GALNT15: variants seen among roughly 807,000 people sequenced by gnomAD.
GALNT15 encodes polypeptide N-acetylgalactosaminyltransferase 15.
GALNT15 carries 67 observed loss-of-function variants against 66.8 expected under a neutral mutation model. That is an observed-to-expected ratio of 1.00 (90% CI 0.82 to 1.23). The LOEUF (loss-of-function observed/expected upper bound fraction) is 1.23, where lower values mean the gene tolerates loss of function less well. Among genes scored for constraint, GALNT15 ranks in the 50% most tolerant of loss-of-function variants. The pLI is 0.00. For synonymous variants in GALNT15, 313 were observed against 311.5 expected, an observed-to-expected ratio of 1.00 and a Z score of -0.05; for missense variants, 827 against 804.3, an observed-to-expected ratio of 1.03 and a Z score of -0.34.
In GALNT15 at chr3:16,228,414, G is replaced by A; in HGVS notation, c.*914G>A. 1.2e-5 allele frequency: 10 copies of A among 854,560 alleles called. No individual in the cohort carries two copies. The highest frequency in any genetic ancestry group is 1.4e-5 in the Non-Finnish European group (10 of 710,436). 52.9% of individuals were successfully genotyped at this position (854,560 alleles called of 1,614,324 possible). A position where few individuals can be genotyped will look rare whatever the true frequency, so the allele number is the denominator to read the frequency against. On this transcript the variant is annotated 3_prime_UTR_variant, in exon 10 of 10. Transcript: ENST00000339732. ...CCAGCACTTTGGGAGGCAGAGTTGG[G>A]AGGATCACCTGATGTCAGGGGTTTG...
In GALNT15 at chr3:16,203,543, TCACACACACACACACA is replaced by T. The variant is rs1164976010; in HGVS notation, c.911+2751_911+2766del. On this transcript the variant is annotated intron_variant, in intron 3 of 9. Transcript: ENST00000339732. The surrounding 1 kb of genome is among the most constrained non-coding windows in gnomAD (Gnocchi z 6.2). ...CATTCTCTCTCTCTCTCTCTCTCTC[TCACACACACACACACA>T]CACACACACACACACACACACACAC... 3.3e-4 allele frequency among the ~76,000 whole-genome samples: 20 copies of T among 61,106 alleles called. No individual in the cohort carries two copies. The highest frequency in any genetic ancestry group is 1.1e-3 in the African/African-American group (20 of 18,252). The allele number at this position is 61,106 out of a possible 152,430, so 40.1% of individuals were successfully genotyped here.
rs2063474557 is a variant in GALNT15, at chr3:16,181,800, G to A, written c.539+6110G>A. On this transcript the variant is annotated intron_variant, in intron 1 of 9. Transcript: ENST00000339732. This position sits in a 1 kb window ranked among gnomAD's most constrained non-coding sequence, Gnocchi z 5.9. ...CAAGAGAGGGAAGACAACCCAGTATGGGCAGTGTGAGTGGTGCTTATGGGG... is the reference window on the plus strand; with the variant it reads ...CAAGAGAGGGAAGACAACCCAGTATAGGCAGTGTGAGTGGTGCTTATGGGG... 6.6e-6 allele frequency among the ~76,000 whole-genome samples: 1 copy of A among 152,170 alleles called. No homozygotes were observed. Among genetic ancestry groups the A allele is most frequent in the Admixed American group, 6.5e-5 (1 of 15,276 alleles).
At position 16,200,771 on chromosome 3, in the gene GALNT15, G is replaced by A. The variant is rs1461056393; in HGVS notation, c.859G>A (p.Glu287Lys). ...GCTCGTCTTCATGGATGCCCACTGC[G>A]AGTGCCACCCAGGCTGGCTGGAGCC... The part of the protein sequence containing the change: ...DVLVFMDAHC[E>K]CHPGWLEPLL... The change falls in exon 3 of 10, where the codon GAG (glutamate) becomes AAG (lysine). Residue 287 changes from glutamate (E) to lysine (K), a missense_variant. Coordinates refer to ENST00000339732, the MANE Select transcript of GALNT15 (RefSeq NM_054110.5). This position sits in a 1 kb window ranked among gnomAD's most constrained non-coding sequence, Gnocchi z 4.4. 17 of 1,611,856 alleles carry A rather than the reference G, an allele frequency of 1.1e-5. No individual in the cohort carries two copies. Among genetic ancestry groups the A allele is most frequent in the African/African-American group, 4.0e-5 (3 of 74,816 alleles).
chr3:16,178,680 C>T (rs1272166534), intron 1 of GALNT15, among the ~76,000 whole-genome samples: 1 of 152,174 alleles, frequency 6.6e-6, no homozygotes. Flanking sequence ...CTCCACCCTC[C>T]CCCCAGGGTG....
At chr3:16,226,296 T>C (rs1023477229) in intron 9 of GALNT15, among the ~76,000 whole-genome samples, 5 of 152,112 alleles carry the variant, frequency 3.3e-5, no homozygotes, top group African/African-American at 9.7e-5. Flanking sequence ...GTGAATATAC[T>C]AAAAACCACC....
chr3:16,208,540 T>G lies in GALNT15; in HGVS notation c.949T>G (p.Trp317Gly), dbSNP rs1354174839. 15 of 1,614,074 alleles carry G rather than the reference T, an allele frequency of 9.3e-6. No individual in the cohort carries two copies. Among genetic ancestry groups the G allele is most frequent in the Non-Finnish European group, 1.1e-5 (13 of 1,180,036 alleles). The change falls in exon 4 of 10, where the codon TGG becomes GGG. Residue 317 changes from tryptophan (W) to glycine (G), a missense_variant. By Grantham distance (184) the Trp-to-Gly change is radical. Coordinates refer to ENST00000339732, the MANE Select transcript of GALNT15 (RefSeq NM_054110.5). Reference protein sequence around the residue: ...VVSPVIDVIDWKTFQYYPSKD... With the variant: ...VVSPVIDVIDGKTFQYYPSKD... ...ATCTCCGGTGATAGATGTGATTGAC[T>G]GGAAGACTTTCCAGTATTACCCCTC...
rs7616311 is a variant in GALNT15, at chr3:16,200,987, A to T, written c.911+164A>T. On this transcript the variant is annotated intron_variant, in intron 3 of 9. Coordinates refer to ENST00000339732, the MANE Select transcript of GALNT15 (RefSeq NM_054110.5). This position sits in a 1 kb window ranked among gnomAD's most constrained non-coding sequence, Gnocchi z 4.4. ...ATGTGTAAGTTTTTTAAGACTATAG[A>T]GTTAGAGTTGGAAAGGAGGTTAGAG... Among the ~76,000 whole-genome samples, 2 of 152,050 alleles carry T rather than the reference A, an allele frequency of 1.3e-5. No homozygotes were observed. The highest frequency in any genetic ancestry group is 4.8e-5 in the African/African-American group (2 of 41,346).
rs903656547 is a variant in GALNT15 at position 16,191,182 on chromosome 3, G to C, written c.540-4578G>C. ...TGTTCATAAAACCCCAAAATTCCTG[G>C]AGCAAGGGGAGTCTATGAAATTCTC... On this transcript the variant is annotated intron_variant, in intron 1 of 9. Coordinates refer to ENST00000339732, the MANE Select transcript of GALNT15 (RefSeq NM_054110.5). The surrounding 1 kb of genome is among the most constrained non-coding windows in gnomAD (Gnocchi z 5.2). 6.6e-6 allele frequency among the ~76,000 whole-genome samples: 1 copy of C among 152,120 alleles called. No individual in the cohort carries two copies. The highest frequency in any genetic ancestry group is 1.5e-5 in the Non-Finnish European group (1 of 68,024).
At chr3:16,233,092 A>ATGTTTTTTTTTTTTTTTTT (rs771943641), downstream of GALNT15, among the ~76,000 whole-genome samples, 4 of 48,074 alleles carry the variant, frequency 8.3e-5, no homozygotes, top group Non-Finnish European at 1.3e-4. Context: ...AGGATAATGC[A>ATGTTTTTTTTTTTTTTTTT]TCTTTTTTTT....
chr3:16,188,422 G>A lies in GALNT15; in HGVS notation c.540-7338G>A, dbSNP rs1331674114. Among the ~76,000 whole-genome samples the A allele has an allele frequency of 6.6e-6, 1 of 152,180 alleles. No homozygotes were observed. The highest frequency in any genetic ancestry group is 2.4e-5 in the African/African-American group (1 of 41,438). On this transcript the variant is annotated intron_variant, in intron 1 of 9. Coordinates refer to ENST00000339732, the MANE Select transcript of GALNT15 (RefSeq NM_054110.5). The surrounding 1 kb of genome is among the most constrained non-coding windows in gnomAD (Gnocchi z 4.6). ...TTTCCCAGAAACAGTTCAGGTTTCTGGCTTTTTCTGAAAATCAGGAAGATG... is the reference window on the plus strand; with the variant it reads ...TTTCCCAGAAACAGTTCAGGTTTCTAGCTTTTTCTGAAAATCAGGAAGATG...
In GALNT15 at chr3:16,195,008, T is replaced by G. The variant is rs1416998161; in HGVS notation, c.540-752T>G. Among the ~76,000 whole-genome samples, 1 of 152,188 alleles carries G rather than the reference T, an allele frequency of 6.6e-6. No homozygotes were observed. Among genetic ancestry groups the G allele is most frequent in the Non-Finnish European group, 1.5e-5 (1 of 68,030 alleles). ...AAATAAAATTTTAAAAAATAGTAAG[T>G]GCTAACATTTAAAAATTGTGTGCCA... On this transcript the variant is annotated intron_variant, in intron 1 of 9. Coordinates refer to ENST00000339732, the MANE Select transcript of GALNT15 (RefSeq NM_054110.5). This position sits in a 1 kb window ranked among gnomAD's most constrained non-coding sequence, Gnocchi z 4.6.
rs913624471 is a variant in GALNT15, at chr3:16,195,672, A to G, written c.540-88A>G. 164 of 1,248,366 alleles carry G rather than the reference A, an allele frequency of 1.3e-4. 1 individual carries two copies. Among genetic ancestry groups the G allele is most frequent in the Non-Finnish European group, 1.7e-4 (149 of 888,236 alleles). The allele number at this position is 1,248,366 out of a possible 1,614,324, so 77.3% of individuals were successfully genotyped here. ...ACAGCCATATAATGGGGGCAGCTCCAGCCAGAGCAAAGGAAGCGAGTTAGA... is the reference window on the plus strand; with the variant it reads ...ACAGCCATATAATGGGGGCAGCTCCGGCCAGAGCAAAGGAAGCGAGTTAGA... On this transcript the variant is annotated intron_variant, in intron 1 of 9. Transcript: ENST00000339732. The surrounding 1 kb of genome is among the most constrained non-coding windows in gnomAD (Gnocchi z 4.6).
chr3:16,241,651 C>T, the GALNT15 span, among the ~76,000 whole-genome samples: 5 of 152,104 alleles, frequency 3.3e-5, no homozygotes, highest in Non-Finnish European at 5.9e-5. The surrounding 1 kb of genome is among the most constrained non-coding windows in gnomAD (Gnocchi z 4.6). Flanking sequence ...TGGGTTCAAG[C>T]GATTCTGCCG....
chr3:16,227,769 T>G lies in GALNT15; in HGVS notation c.*269T>G. 2.5e-6 allele frequency: 3 copies of G among 1,219,300 alleles called. No individual in the cohort carries two copies. Among genetic ancestry groups the G allele is most frequent in the Non-Finnish European group, 3.1e-6 (3 of 976,880 alleles). 75.5% of individuals were successfully genotyped at this position (1,219,300 alleles called of 1,614,324 possible). ...ATGATTATTACATAGTACAGAAGATTCTTTGTTTTTCTCCACTGAGCACTT... is the reference window on the plus strand; with the variant it reads ...ATGATTATTACATAGTACAGAAGATGCTTTGTTTTTCTCCACTGAGCACTT... On this transcript the variant is annotated 3_prime_UTR_variant, in exon 10 of 10. Transcript: ENST00000339732. The surrounding 1 kb of genome is among the most constrained non-coding windows in gnomAD (Gnocchi z 4.5).
At chr3:16,230,298 G>C (rs2064069818), downstream of GALNT15, among the ~76,000 whole-genome samples, 2 of 152,176 alleles carry the variant, frequency 1.3e-5, no homozygotes, top group African/African-American at 4.8e-5. The surrounding 1 kb of genome is among the most constrained non-coding windows in gnomAD (Gnocchi z 4.5). Flanking sequence ...GAGAGTGCCT[G>C]ACCTGTTTCC....
Position 16,183,866 on chromosome 3 carries a change from A to G in GALNT15, c.539+8176A>G, listed in dbSNP as rs770109886. Among the ~76,000 whole-genome samples the G allele has an allele frequency of 6.6e-6, 1 of 152,142 alleles. No homozygotes were observed. Among genetic ancestry groups the G allele is most frequent in the African/African-American group, 2.4e-5 (1 of 41,430 alleles). On this transcript the variant is annotated intron_variant, in intron 1 of 9. Coordinates refer to ENST00000339732, the MANE Select transcript of GALNT15 (RefSeq NM_054110.5). The surrounding 1 kb of genome is among the most constrained non-coding windows in gnomAD (Gnocchi z 5.2). The stretch of plus-strand genomic sequence containing the variant: ...TCATTCTCTTCAGAGCCATCATCCA[A>G]ATGCATTTTTCCAAGTTCACAGGGG...
rs1169675471 is a variant in GALNT15 at position 16,224,426 on chromosome 3, A to G, written c.1773+1668A>G. On this transcript the variant is annotated intron_variant, in intron 9 of 9. Transcript: ENST00000339732. This position sits in a 1 kb window ranked among gnomAD's most constrained non-coding sequence, Gnocchi z 5.2. Reference sequence around the variant, plus strand: ...CCCATCACAAAAGGACAAAAACTGTATGATTCCACTTTTATGAGATATCTA... The same window carrying G: ...CCCATCACAAAAGGACAAAAACTGTGTGATTCCACTTTTATGAGATATCTA... Among the ~76,000 whole-genome samples the G allele has an allele frequency of 6.6e-6, 1 of 152,228 alleles. No individual in the cohort carries two copies. Among genetic ancestry groups the G allele is most frequent in the African/African-American group, 2.4e-5 (1 of 41,466 alleles).
rs759267457 is a variant in GALNT15, at chr3:16,211,185, G to A, written c.1141G>A (p.Ala381Thr). 4 of 1,613,946 alleles carry A rather than the reference G, an allele frequency of 2.5e-6. No individual in the cohort carries two copies. The highest frequency in any genetic ancestry group is 2.7e-5 in the African/African-American group (2 of 74,928). ...CAGACATTACTTCCAAAACACTGGA[G>A]CGTATGACTCTCTTATGTCGCTGCG... Reference protein sequence around the residue: ...MDRHYFQNTGAYDSLMSLRGG... With the variant: ...MDRHYFQNTGTYDSLMSLRGG... Residue 381 changes from alanine to threonine, a missense_variant, in exon 5 of 10, where the codon GCG (alanine) becomes ACG (threonine). Ala to Thr is a moderately conservative substitution (Grantham distance 58). Transcript: ENST00000339732. This position sits in a 1 kb window ranked among gnomAD's most constrained non-coding sequence, Gnocchi z 4.3.
chr3:16,180,084 G>A lies in GALNT15; in HGVS notation c.539+4394G>A, dbSNP rs530822007. 5.7e-4 allele frequency among the ~76,000 whole-genome samples: 87 copies of A among 152,270 alleles called. No individual in the cohort carries two copies. Among genetic ancestry groups the A allele is most frequent in the Non-Finnish European group, 5.3e-4 (36 of 68,010 alleles). On this transcript the variant is annotated intron_variant, in intron 1 of 9. Coordinates refer to ENST00000339732, the MANE Select transcript of GALNT15 (RefSeq NM_054110.5). This position sits in a 1 kb window ranked among gnomAD's most constrained non-coding sequence, Gnocchi z 5.0. ...TCTACATCTACGGCTGAACTTGAGCGTGCATCCGAACAACTAGATGGCTTG... is the reference window on the plus strand; with the variant it reads ...TCTACATCTACGGCTGAACTTGAGCATGCATCCGAACAACTAGATGGCTTG...
Sources: gnomAD v4.1 joint callset for allele counts (sites outside exome capture counted in the v4.1 genomes callset) on GRCh38, gnomAD v4.1.1 for gene constraint, Gnocchi (gnomAD v3.1) non-coding constraint, MANE v1.5 for transcripts, NCBI Gene and HGNC (gene_info 2026-07-23, HGNC 2026-07-21) for gene names.